The following ANKS1B variants were observed in gnomAD, a reference collection of about 807,000 sequenced individuals.
ANKS1B encodes the protein ankyrin repeat and sterile alpha motif domain containing 1B.
In ANKS1B, 36 loss-of-function variants were observed where a neutral mutation model predicts 148.3. The ratio of observed to expected loss-of-function variants is 0.24; its 90% CI spans 0.19 to 0.32. The LOEUF (loss-of-function observed/expected upper bound fraction) is 0.32. Among genes scored for constraint, ANKS1B ranks in the 10% least tolerant of loss-of-function variants. ANKS1B has a pLI of 1.00. For synonymous variants in ANKS1B, 542 were observed against 560.8 expected (o/e 0.97, Z 0.47); for missense variants, 1,157 against 1,542.6 (o/e 0.75, Z 4.19).
chr12:98,773,534 A>C (rs1465728994), intron 24 of ANKS1B, among the ~76,000 whole-genome samples: 2 of 152,068 alleles, frequency 1.3e-5, no homozygotes, highest in African/African-American at 4.8e-5. Flanking sequence ...GGCTCACTGC[A>C]GCCTCCCGCT....
intron 11 of ANKS1B, among the ~76,000 whole-genome samples, chr12:99,409,582 C>T (rs935390168): frequency 6.6e-6 from 1 of 152,026 alleles, no homozygotes; most frequent in African/African-American, 2.4e-5. Flanking sequence ...ATGATTATTA[C>T]ACTGCATGCC....
At chr12:99,001,836 T>C (rs2099933205) in intron 17 of ANKS1B, among the ~76,000 whole-genome samples, 2 of 152,264 alleles carry the variant, frequency 1.3e-5, no homozygotes, top group Non-Finnish European at 2.9e-5. Context: ...TGGTAACCAA[T>C]TTCTACTCTC....
At chr12:99,521,089 C>G (rs11613155) in intron 9 of ANKS1B, among the ~76,000 whole-genome samples, 1,746 of 152,250 alleles carry the variant, frequency 0.011, 21 homozygotes, top group Non-Finnish European at 0.019. Flanking sequence ...GCCACTGTTC[C>G]TGGTCTGACT....
Position 98,828,137 on chromosome 12 carries a change from C to T in ANKS1B, c.3066+1037G>A, listed in dbSNP as rs185190997. 1.5e-3 allele frequency among the ~76,000 whole-genome samples: 221 copies of T among 152,242 alleles called. 2 individuals carry two copies. The highest frequency in any genetic ancestry group is 3.9e-3 in the African/African-American group (160 of 41,550). ...ATTGCCATTGCCTGCACAAAGAACC[C>T]AGAGAACAATTCAAAATTAAAGGAG... is the stretch of plus-strand genomic sequence containing the variant. On this transcript the variant is annotated intron_variant, in intron 19 of 26. Transcript: ENST00000683438.
intron 9 of ANKS1B, among the ~76,000 whole-genome samples, chr12:99,505,150 A>G (rs1226057937): frequency 1.3e-5 from 2 of 152,108 alleles, no homozygotes; most frequent in Non-Finnish European, 2.9e-5. Context: ...TGCAGTTTTG[A>G]TATCTGGAGC....
chr12:99,688,084 G>A (rs11109997), intron 8 of ANKS1B, among the ~76,000 whole-genome samples: 35,455 of 152,026 alleles, frequency 0.23, 4,812 homozygotes, highest in Non-Finnish European at 0.3. Context: ...CTCTTCCAGT[G>A]CCTTGTATCT....
At chr12:99,023,148 G>A (rs567870004) in intron 17 of ANKS1B, among the ~76,000 whole-genome samples, 1 of 151,914 alleles carries the variant, frequency 6.6e-6, no homozygotes, top group Non-Finnish European at 1.5e-5. Context: ...TTGCTATACT[G>A]CTTTTATATC....
intron 2 of ANKS1B, 88 bp downstream of exon 2, chr12:99,825,221 A>C (rs2083036624): frequency 2.7e-6 from 3 of 1,126,000 alleles, no homozygotes; most frequent in Non-Finnish European, 2.6e-6. Flanking sequence ...GGACTCACAG[A>C]GACATGAGAA....
intron 12 of ANKS1B, among the ~76,000 whole-genome samples, chr12:99,359,947 T>G (rs1212674646): frequency 6.6e-6 from 1 of 152,150 alleles, no homozygotes; most frequent in Non-Finnish European, 1.5e-5. Context: ...TCATTACATG[T>G]TTTCACTTGC....
intron 17 of ANKS1B, among the ~76,000 whole-genome samples, chr12:98,948,946 A>ATTTTTTTTTTTTTTTTTT (rs1567958669): frequency 4.5e-5 from 4 of 89,168 alleles, no homozygotes; most frequent in African/African-American, 1.6e-4. Flanking sequence ...AGCATGAGCT[A>ATTTTTTTTTTTTTTTTTT]CTTTTTTTTT....
intron 8 of ANKS1B, among the ~76,000 whole-genome samples, chr12:99,709,813 T>A (rs1027296017): frequency 6.6e-6 from 1 of 152,108 alleles, no homozygotes; most frequent in African/African-American, 2.4e-5. Context: ...CTGGGCCCCA[T>A]TTAGTGATGA....
intron 8 of ANKS1B, among the ~76,000 whole-genome samples, chr12:99,705,922 T>A (rs2055687464): frequency 6.6e-6 from 1 of 151,880 alleles, no homozygotes; most frequent in South Asian, 2.1e-4. Context: ...AGAAAATCAA[T>A]CACAATTAGG....
intron 15 of ANKS1B, among the ~76,000 whole-genome samples, chr12:99,121,288 G>A (rs1187469329): frequency 1.6e-5 from 2 of 124,740 alleles, no homozygotes; most frequent in East Asian, 3.5e-4. Context: ...ATGAAGGCCT[G>A]AAGAACTGTT....
At chr12:99,540,935 AG>A (rs2097119864) in intron 9 of ANKS1B, among the ~76,000 whole-genome samples, 1 of 152,106 alleles carries the variant, frequency 6.6e-6, no homozygotes, top group African/African-American at 2.4e-5. Flanking sequence ...TACTAAAATC[AG>A]GAATGAAAGA....
In ANKS1B at chr12:99,159,842, A is replaced by AC. The variant is rs2076460609; in HGVS notation, c.2420-5448_2420-5447insG. Among the ~76,000 whole-genome samples, 8 of 152,332 alleles carry AC rather than the reference A, an allele frequency of 5.3e-5. No individual in the cohort carries two copies. The South Asian group carries it at 1.7e-3, about 32-fold the overall frequency. ...AGAGTCTGAACTAAGTGACATTCCC[A>AC]TCAACAGTGTATAAGTGTCCCTTTC... On this transcript the variant is annotated intron_variant, in intron 14 of 26. Coordinates refer to ENST00000683438, the MANE Select transcript of ANKS1B (RefSeq NM_001352186.2).
intron 15 of ANKS1B, among the ~76,000 whole-genome samples, chr12:99,127,323 C>T (rs2064695776): frequency 6.6e-6 from 1 of 152,062 alleles, no homozygotes; most frequent in South Asian, 2.1e-4. Flanking sequence ...AGGTACTTCT[C>T]TCATCTGCCC....
At chr12:99,484,434 G>A (rs1332232915) in intron 10 of ANKS1B, among the ~76,000 whole-genome samples, 3 of 151,920 alleles carry the variant, frequency 2.0e-5, no homozygotes, top group Non-Finnish European at 4.4e-5. Context: ...CTTGAAGAAT[G>A]TTACGTGCTG....
chr12:99,750,188 G>A (rs1408583581), intron 8 of ANKS1B, among the ~76,000 whole-genome samples: 1 of 151,944 alleles, frequency 6.6e-6, no homozygotes, highest in African/African-American at 2.4e-5. Context: ...CTTTTTATGT[G>A]AGTGAATGCA....
intron 16 of ANKS1B, among the ~76,000 whole-genome samples, chr12:99,061,027 T>C: frequency 6.6e-6 from 1 of 152,218 alleles, no homozygotes; most frequent in South Asian, 2.1e-4. Flanking sequence ...GGCATTTTTA[T>C]GTCCAAAAGT....
Sources: gnomAD v4.1 joint callset for allele counts (sites outside exome capture counted in the v4.1 genomes callset) on GRCh38, gnomAD v4.1.1 for gene constraint, MANE v1.5 for transcripts, NCBI Gene and HGNC (gene_info 2026-07-23, HGNC 2026-07-21) for gene names.